ATG10: variants seen among roughly 807,000 people sequenced by gnomAD.
The protein encoded by ATG10 is autophagy related 10.
In ATG10, 30 loss-of-function variants were observed where a neutral mutation model predicts 32.1. That is an observed-to-expected ratio of 0.94 (90% confidence interval 0.70 to 1.27). The LOEUF (loss-of-function observed/expected upper bound fraction) is 1.27. ATG10 is among the 50% of genes most tolerant of loss of function. The probability of loss-of-function intolerance (pLI) is 0.00; values close to 1 mark genes in which losing one functional copy is unlikely to be tolerated. For missense variants in ATG10, 233 were observed against 262.3 expected (o/e 0.89, Z 0.77); for synonymous variants, 87 against 91.5 (o/e 0.95, Z 0.28).
intron 2 of ATG10, among the ~76,000 whole-genome samples, chr5:82,009,111 T>G (rs1762059269): frequency 6.6e-6 from 1 of 152,182 alleles, no homozygotes; most frequent in Admixed American, 6.5e-5. Flanking sequence ...ATGGGTAGTC[T>G]TACCATTGAG....
intron 3 of ATG10, among the ~76,000 whole-genome samples, chr5:82,103,413 T>C (rs1765342897): frequency 6.6e-6 from 1 of 152,152 alleles, no homozygotes; most frequent in Admixed American, 6.6e-5. Flanking sequence ...CATCTAAGTT[T>C]AGCATCTCCT....
At chr5:82,101,698 G>A (rs1765279659) in intron 3 of ATG10, among the ~76,000 whole-genome samples, 1 of 152,180 alleles carries the variant, frequency 6.6e-6, no homozygotes, top group African/African-American at 2.4e-5. Flanking sequence ...AGGTACTGAT[G>A]TCACTGTTGT....
chr5:82,151,426 A>G (rs1180589544), intron 3 of ATG10, among the ~76,000 whole-genome samples: 1 of 152,198 alleles, frequency 6.6e-6, no homozygotes, highest in Non-Finnish European at 1.5e-5. Flanking sequence ...GATGCCATAG[A>G]GGTTAATTAT....
At chr5:82,157,441 A>G (rs928273567) in intron 3 of ATG10, among the ~76,000 whole-genome samples, 1 of 147,812 alleles carries the variant, frequency 6.8e-6, no homozygotes, top group African/African-American at 2.5e-5. Flanking sequence ...GTTGCTTGCA[A>G]AGGTTCTTGT....
rs185107068 is a variant in ATG10, at chr5:82,139,254, G to A, written c.217-25145G>A. Among the ~76,000 whole-genome samples the A allele has an allele frequency of 1.7e-3, 239 of 139,582 alleles. 2 individuals are homozygous for A. The highest frequency in any genetic ancestry group is 6.1e-3 in the African/African-American group (216 of 35,492). 91.6% of individuals were successfully genotyped at this position (139,582 alleles called of 152,430 possible). The stretch of plus-strand genomic sequence containing the variant: ...AAGTGCCGAGATTGCAGCCTCTGCC[G>A]GGCCACCACCCCGTCTGGGAAGTGA... On this transcript the variant is annotated intron_variant, in intron 3 of 7. Coordinates refer to ENST00000282185, the MANE Select transcript of ATG10 (RefSeq NM_031482.5).
chr5:82,165,163 C>T (rs1156612787), intron 4 of ATG10, among the ~76,000 whole-genome samples: 1 of 152,192 alleles, frequency 6.6e-6, no homozygotes, highest in Non-Finnish European at 1.5e-5. Context: ...CTCTGCAGCA[C>T]AGCCATGGCT....
intron 2 of ATG10, among the ~76,000 whole-genome samples, chr5:82,054,928 G>A (rs968168208): frequency 3.3e-5 from 5 of 152,132 alleles, no homozygotes; most frequent in African/African-American, 1.2e-4. Context: ...AAGAATGCAG[G>A]GAAGCTAGAG....
At chr5:82,174,941 C>T (rs748165303) in intron 4 of ATG10, among the ~76,000 whole-genome samples, 1 of 152,082 alleles carries the variant, frequency 6.6e-6, no homozygotes, top group Non-Finnish European at 1.5e-5. Context: ...TGCTTGTTGA[C>T]CTTCCTCAGT....
chr5:82,115,206 G>C (rs1256107168), intron 3 of ATG10, among the ~76,000 whole-genome samples: 1 of 152,042 alleles, frequency 6.6e-6, no homozygotes, highest in African/African-American at 2.4e-5. Flanking sequence ...AGGCGTTTTT[G>C]AGGCAATCTT....
chr5:82,102,488 T>C (rs1424686944), intron 3 of ATG10, among the ~76,000 whole-genome samples: 7 of 152,166 alleles, frequency 4.6e-5, no homozygotes, highest in African/African-American at 1.4e-4. Context: ...TTATTGAATG[T>C]CTACTCCAAT....
chr5:82,041,034 T>G (rs1763069314), intron 2 of ATG10, among the ~76,000 whole-genome samples: 2 of 152,222 alleles, frequency 1.3e-5, no homozygotes, highest in Non-Finnish European at 2.9e-5. Context: ...TTTTTCAGGT[T>G]ATTTATATGA....
intron 3 of ATG10, among the ~76,000 whole-genome samples, chr5:82,099,888 G>T (rs1404799215): frequency 6.6e-6 from 1 of 151,002 alleles, no homozygotes; most frequent in Non-Finnish European, 1.5e-5. Context: ...AATTTACACT[G>T]CTTTGTCAAT....
At chr5:81,985,642 T>G (rs149131048) in intron 1 of ATG10, among the ~76,000 whole-genome samples, 92 of 152,336 alleles carry the variant, frequency 6.0e-4, no homozygotes, top group African/African-American at 2.0e-3. Flanking sequence ...CTCTCCCCTG[T>G]CCCTCACCAA....
intron 3 of ATG10, among the ~76,000 whole-genome samples, chr5:82,145,831 T>C (rs1767331397): frequency 6.6e-6 from 1 of 151,874 alleles, no homozygotes; most frequent in Non-Finnish European, 1.5e-5. Context: ...CTCAGCCTCC[T>C]GAGTAGCTGG....
At chr5:82,154,204 C>G (rs527322045) in intron 3 of ATG10, among the ~76,000 whole-genome samples, 3 of 152,212 alleles carry the variant, frequency 2.0e-5, no homozygotes, top group African/African-American at 7.2e-5. Flanking sequence ...TAATGATGCA[C>G]TATTGGAACA....
chr5:81,976,913 T>C (rs34981833), intron 1 of ATG10, among the ~76,000 whole-genome samples: 29,492 of 152,162 alleles, frequency 0.19, 3,225 homozygotes, highest in Middle Eastern at 0.28. Flanking sequence ...TCTTGTTGTG[T>C]CGCCCAGGCT....
At chr5:82,093,600 GAGTC>G (rs570215499) in intron 3 of ATG10, among the ~76,000 whole-genome samples, 196 of 152,148 alleles carry the variant, frequency 1.3e-3, no homozygotes, top group African/African-American at 4.4e-3. Flanking sequence ...ATGTATTTCT[GAGTC>G]AGTTTCAATT....
chr5:82,026,869 G>C (rs528654831), intron 2 of ATG10, among the ~76,000 whole-genome samples: 2 of 151,812 alleles, frequency 1.3e-5, no homozygotes. Context: ...GACCACCCTG[G>C]CCAAGATGGT....
At chr5:82,002,471 A>G (rs1033479004) in intron 2 of ATG10, among the ~76,000 whole-genome samples, 3 of 152,250 alleles carry the variant, frequency 2.0e-5, no homozygotes, top group Non-Finnish European at 4.4e-5. Flanking sequence ...ATAAAAAAAG[A>G]AAAAGATCAT....
Sources: gnomAD v4.1 joint callset for allele counts (sites outside exome capture counted in the v4.1 genomes callset) on GRCh38, gnomAD v4.1.1 for gene constraint, MANE v1.5 for transcripts, NCBI Gene and HGNC (gene_info 2026-07-23, HGNC 2026-07-21) for gene names.